The following CSMD1 variants were observed in gnomAD, a reference collection of about 807,000 sequenced individuals.
CSMD1 encodes CUB and sushi domain-containing protein 1.
Under a neutral mutation model 417.5 loss-of-function variants are expected in CSMD1, and 213 were observed. The observed-to-expected ratio is 0.51, with a 90% CI of 0.46 to 0.57. The LOEUF (loss-of-function observed/expected upper bound fraction) is 0.57. Ranked by LOEUF, CSMD1 falls within the 20% of genes least tolerant of loss-of-function variation. CSMD1 has a pLI of 0.00. For missense variants in CSMD1, 6,923 were observed against 4,529.7 expected, an observed-to-expected ratio of 1.53 and a Z score of -15.17; for synonymous variants, 2,862 against 1,736.8, an observed-to-expected ratio of 1.65 and a Z score of -16.11.
intron 5 of CSMD1, among the ~76,000 whole-genome samples, chr8:3,966,122 C>G (rs997919410): frequency 1.3e-5 from 2 of 152,150 alleles, no homozygotes; most frequent in African/African-American, 4.8e-5. Flanking sequence ...AGGGAATAGG[C>G]TCCCATCCAT....
chr8:4,565,063 A>G (rs1798525056), intron 2 of CSMD1, among the ~76,000 whole-genome samples: 1 of 152,212 alleles, frequency 6.6e-6, no homozygotes, highest in Non-Finnish European at 1.5e-5. Context: ...TTTAAGATAA[A>G]CACTGAAGAA....
At chr8:4,566,630 G>T (rs1798621941) in intron 2 of CSMD1, among the ~76,000 whole-genome samples, 1 of 140,834 alleles carries the variant, frequency 7.1e-6, no homozygotes, top group African/African-American at 2.7e-5. Flanking sequence ...TCCAGCCTGG[G>T]TGACAGAGGG....
At chr8:3,621,857 C>T (rs571814824) in intron 7 of CSMD1, among the ~76,000 whole-genome samples, 87 of 152,114 alleles carry the variant, frequency 5.7e-4, no homozygotes, top group African/African-American at 1.9e-3. Context: ...AATTCTCCCA[C>T]CTCGACGTCC....
intron 2 of CSMD1, among the ~76,000 whole-genome samples, chr8:4,595,632 C>T (rs777325128): frequency 2.0e-5 from 3 of 152,038 alleles, no homozygotes; most frequent in South Asian, 2.1e-4. Context: ...CTGGGTACTG[C>T]GATGCATGTC....
At chr8:3,897,792 G>C (rs1807463903) in intron 5 of CSMD1, among the ~76,000 whole-genome samples, 1 of 152,182 alleles carries the variant, frequency 6.6e-6, no homozygotes, top group Non-Finnish European at 1.5e-5. Flanking sequence ...GGCCCAGATG[G>C]GCTATTTGCT....
At chr8:4,330,017 G>A (rs1397331961) in intron 3 of CSMD1, among the ~76,000 whole-genome samples, 1 of 152,094 alleles carries the variant, frequency 6.6e-6, no homozygotes, top group Non-Finnish European at 1.5e-5. Flanking sequence ...TGTACAGCAT[G>A]CAGAACTGTG....
chr8:3,901,033 G>C (rs187952836), intron 5 of CSMD1, among the ~76,000 whole-genome samples: 7 of 152,212 alleles, frequency 4.6e-5, no homozygotes, highest in South Asian at 2.1e-4. Context: ...CATTACTTTG[G>C]TAATAAGATG....
intron 1 of CSMD1, chr8:4,788,556 C>T: frequency 7.3e-7 from 1 of 1,365,786 alleles, no homozygotes; most frequent in Non-Finnish European, 1.0e-6. Context: ...TTGAAGCAGG[C>T]TGACAAGAAA....
chr8:3,648,644 C>G (rs1286010625), intron 7 of CSMD1, among the ~76,000 whole-genome samples: 5 of 152,170 alleles, frequency 3.3e-5, no homozygotes, highest in South Asian at 2.1e-4. Context: ...CATAACAGGA[C>G]AAACTGACCT....
chr8:4,772,758 T>C lies in CSMD1; in HGVS notation c.86-135200A>G, dbSNP rs1347206810. On this transcript the variant is annotated intron_variant, in intron 1 of 69. Coordinates refer to ENST00000635120, the MANE Select transcript of CSMD1 (RefSeq NM_033225.6). ...AGTGGATTCAGATCCCGGAAGAACC[T>C]CTTGGCTAACAGATCAGTCTTCCAG... 3.9e-5 allele frequency among the ~76,000 whole-genome samples: 6 copies of C among 152,312 alleles called. No homozygotes were observed. In the East Asian group the frequency reaches 9.6e-4, roughly 24 times the overall value.
At chr8:4,689,479 G>A (rs1464044217) in intron 1 of CSMD1, among the ~76,000 whole-genome samples, 1 of 152,118 alleles carries the variant, frequency 6.6e-6, no homozygotes, top group Non-Finnish European at 1.5e-5. Flanking sequence ...GGAAAAAAGG[G>A]TTTTCTTTAT....
intron 3 of CSMD1, among the ~76,000 whole-genome samples, chr8:4,235,306 G>C (rs923127226): frequency 1.1e-4 from 16 of 151,092 alleles, no homozygotes; most frequent in African/African-American, 3.9e-4. Context: ...TGGAAAAAAA[G>C]AAATTTTAAA....
chr8:4,579,441 C>G (rs1799308764), intron 2 of CSMD1, among the ~76,000 whole-genome samples: 2 of 151,964 alleles, frequency 1.3e-5, no homozygotes, highest in African/African-American at 2.4e-5. Context: ...TCAGTGCAAC[C>G]TCCGCCTCCC....
chr8:4,883,285 T>C (rs7017693), intron 1 of CSMD1, among the ~76,000 whole-genome samples: 132,224 of 152,028 alleles, frequency 0.87, 59,437 homozygotes, highest in East Asian at 0.97. Context: ...ACAAGATAAA[T>C]AGAGTTACAG....
intron 5 of CSMD1, among the ~76,000 whole-genome samples, chr8:3,805,094 C>T (rs1030289717): frequency 2.0e-4 from 28 of 142,050 alleles, no homozygotes; most frequent in African/African-American, 2.4e-5. Flanking sequence ...CTACGGGAAC[C>T]CCACTGTTAT....
intron 54 of CSMD1, among the ~76,000 whole-genome samples, chr8:2,991,869 C>T (rs1280994685): frequency 1.3e-5 from 2 of 152,120 alleles, no homozygotes; most frequent in African/African-American, 4.8e-5. Context: ...TACAAAGAAG[C>T]AGTGGGTACA....
intron 50 of CSMD1, among the ~76,000 whole-genome samples, chr8:3,036,052 T>G (rs189627179): frequency 6.6e-6 from 1 of 152,190 alleles, no homozygotes; most frequent in Non-Finnish European, 1.5e-5. Context: ...TCCAGATCAG[T>G]TGAAAGTATA....
intron 1 of CSMD1, among the ~76,000 whole-genome samples, chr8:4,870,377 G>A (rs1585239928): frequency 6.6e-6 from 1 of 152,076 alleles, no homozygotes; most frequent in Non-Finnish European, 1.5e-5. Context: ...CCTAACAAGA[G>A]TTCAGAAACC....
chr8:4,141,569 T>C (rs1281047995), intron 3 of CSMD1, among the ~76,000 whole-genome samples: 1 of 151,204 alleles, frequency 6.6e-6, no homozygotes, highest in Non-Finnish European at 1.5e-5. Context: ...TACAAACCTG[T>C]ACAGAACGAG....
Sources: gnomAD v4.1 joint callset for allele counts (sites outside exome capture counted in the v4.1 genomes callset) on GRCh38, gnomAD v4.1.1 for gene constraint, MANE v1.5 for transcripts, NCBI Gene and HGNC (gene_info 2026-07-23, HGNC 2026-07-21) for gene names.